The following SCAMP1 variants were observed in gnomAD, a reference collection of about 807,000 sequenced individuals.
SCAMP1 encodes secretory carrier membrane protein 1, also known as secretory carrier-associated membrane protein 1.
In SCAMP1, 15 loss-of-function variants were observed where a neutral mutation model predicts 41.8. The ratio of observed to expected loss-of-function variants is 0.36; its 90% confidence interval spans 0.24 to 0.55. The LOEUF (loss-of-function observed/expected upper bound fraction) is 0.55, where lower values mean the gene tolerates loss of function less well. Ranked by LOEUF, SCAMP1 falls within the 20% of genes least tolerant of loss-of-function variation. The pLI is 0.86. For missense variants in SCAMP1, 341 were observed against 412.6 expected (o/e 0.83, Z 1.50); for synonymous variants, 135 against 136.8 (o/e 0.99, Z 0.09).
At chr5:78,377,408 G>T (rs12654349) in intron 1 of SCAMP1, among the ~76,000 whole-genome samples, 43,239 of 151,950 alleles carry the variant, frequency 0.28, 6,485 homozygotes, top group East Asian at 0.54. Flanking sequence ...CTCATATTCA[G>T]TCTCCTCAAA....
chr5:78,384,550 C>T (rs746254662), intron 1 of SCAMP1, among the ~76,000 whole-genome samples: 1 of 152,084 alleles, frequency 6.6e-6, no homozygotes, highest in Non-Finnish European at 1.5e-5. Context: ...AAGGGCAATG[C>T]TTTCAAGTTT....
chr5:78,423,232 G>A (rs1262095383), intron 6 of SCAMP1, among the ~76,000 whole-genome samples: 1 of 152,122 alleles, frequency 6.6e-6, no homozygotes, highest in Non-Finnish European at 1.5e-5. Flanking sequence ...AATGATGGGA[G>A]AAGGGAAAGG....
chr5:78,384,949 G>A (rs771009118), intron 1 of SCAMP1, among the ~76,000 whole-genome samples: 7 of 152,046 alleles, frequency 4.6e-5, no homozygotes, highest in East Asian at 1.9e-4. Flanking sequence ...TTGGTATTAG[G>A]GTGATACTGG....
At chr5:78,402,904 C>G (rs1447653324) in intron 2 of SCAMP1, among the ~76,000 whole-genome samples, 1 of 152,116 alleles carries the variant, frequency 6.6e-6, no homozygotes. Context: ...GACTGTTTCA[C>G]TCTGTCACCC....
At chr5:78,382,077 G>A (rs1751217322) in intron 1 of SCAMP1, among the ~76,000 whole-genome samples, 1 of 152,182 alleles carries the variant, frequency 6.6e-6, no homozygotes, top group Non-Finnish European at 1.5e-5. Context: ...CAGACCAGCA[G>A]AAGCAGTATC....
chr5:78,424,111 C>T lies in SCAMP1; in HGVS notation c.632+2151C>T, dbSNP rs545956803. On this transcript the variant is annotated intron_variant, in intron 6 of 8. Transcript: ENST00000621999. ...CGCCCACCTTGGCCTCTGCCCACCT[C>T]GGCCTCTGCCCACCTCGGCCTCCCA... is the stretch of plus-strand genomic sequence containing the variant. 2.1e-3 allele frequency among the ~76,000 whole-genome samples: 320 copies of T among 152,140 alleles called. 4 individuals carry two copies. The highest frequency in any genetic ancestry group is 6.4e-3 in the African/African-American group (264 of 41,518).
chr5:78,402,261 GT>G (rs1264305464), intron 2 of SCAMP1, among the ~76,000 whole-genome samples: 2 of 151,086 alleles, frequency 1.3e-5, no homozygotes, highest in African/African-American at 4.9e-5. Flanking sequence ...CTTGGTGAGT[GT>G]TCCATGTGAA....
chr5:78,457,589 G>T (rs1001502672), intron 7 of SCAMP1, among the ~76,000 whole-genome samples: 1 of 152,212 alleles, frequency 6.6e-6, no homozygotes, highest in African/African-American at 2.4e-5. Flanking sequence ...TCTCTTCAAA[G>T]CTGTCAGACA....
intron 6 of SCAMP1, among the ~76,000 whole-genome samples, chr5:78,438,478 A>T (rs1297347929): frequency 6.6e-6 from 1 of 152,160 alleles, no homozygotes; most frequent in Admixed American, 6.5e-5. Flanking sequence ...TTTACCCCAT[A>T]GTCATTCAGG....
intron 2 of SCAMP1, among the ~76,000 whole-genome samples, chr5:78,391,435 A>G (rs1281605827): frequency 1.8e-4 from 26 of 144,366 alleles, no homozygotes; most frequent in African/African-American, 4.7e-4. Context: ...CCTCCCGGAC[A>G]GGGCGGCTGG....
rs1042188739 is a variant in SCAMP1, at chr5:78,477,607, T to A, written c.*1939T>A. On this transcript the variant is annotated 3_prime_UTR_variant, in exon 9 of 9. Transcript: ENST00000621999. ...TATATTAGAGACTTTTGAAAAATGC[T>A]GAAATACTTTGCTTCAGAATTGGAA... 31 of 152,306 alleles carry A rather than the reference T, an allele frequency of 2.0e-4. No individual in the cohort carries two copies. Among genetic ancestry groups the A allele is most frequent in the African/African-American group, 7.5e-4 (31 of 41,586 alleles). The allele number at this position is 152,306 out of a possible 1,614,324, so 9.4% of individuals were successfully genotyped here. A position where few individuals can be genotyped will look rare whatever the true frequency, so the allele number is the denominator to read the frequency against.
chr5:78,416,972 T>TA (rs1752225837), intron 4 of SCAMP1, among the ~76,000 whole-genome samples: 1 of 152,244 alleles, frequency 6.6e-6, no homozygotes. Flanking sequence ...GTGGACTCTT[T>TA]ATGAGTACAT....
chr5:78,404,131 A>T (rs1489478702), intron 2 of SCAMP1, among the ~76,000 whole-genome samples: 1 of 150,564 alleles, frequency 6.6e-6, no homozygotes, highest in African/African-American at 2.4e-5. Context: ...AAAAAAAAAA[A>T]AAGGGTTTTA....
At chr5:78,382,721 A>C (rs1166003453) in intron 1 of SCAMP1, among the ~76,000 whole-genome samples, 4 of 151,660 alleles carry the variant, frequency 2.6e-5, no homozygotes, top group Non-Finnish European at 4.4e-5. Context: ...AATTCCATCC[A>C]GGTTGCTGCA....
intron 6 of SCAMP1, among the ~76,000 whole-genome samples, chr5:78,448,140 C>T (rs1272211474): frequency 2.0e-5 from 2 of 99,348 alleles, no homozygotes; most frequent in African/African-American, 8.3e-5. Context: ...TCTTCTTCCT[C>T]CTCTTCTTCT....
intron 6 of SCAMP1, among the ~76,000 whole-genome samples, chr5:78,437,540 G>T (rs1254121491): frequency 6.6e-6 from 1 of 152,208 alleles, no homozygotes; most frequent in Non-Finnish European, 1.5e-5. Context: ...TGTTGAACCA[G>T]CCTTGCATCC....
At chr5:78,443,206 C>G (rs1223253832) in intron 6 of SCAMP1, among the ~76,000 whole-genome samples, 1 of 97,616 alleles carries the variant, frequency 1.0e-5, no homozygotes, top group Non-Finnish European at 1.9e-5. Context: ...GAGCTAGACT[C>G]TGTCTCAAAA....
intron 6 of SCAMP1, among the ~76,000 whole-genome samples, chr5:78,429,661 C>CA (rs1286541545): frequency 6.6e-6 from 1 of 152,020 alleles, no homozygotes; most frequent in Admixed American, 6.6e-5. Flanking sequence ...GCCACAGACT[C>CA]ATGCTGTTCT....
intron 8 of SCAMP1, among the ~76,000 whole-genome samples, chr5:78,468,404 T>C (rs1394411670): frequency 1.3e-5 from 2 of 152,098 alleles, no homozygotes; most frequent in Non-Finnish European, 2.9e-5. Flanking sequence ...AAGCAGGGAG[T>C]TGTTATAAAT....
Sources: gnomAD v4.1 joint callset for allele counts (sites outside exome capture counted in the v4.1 genomes callset) on GRCh38, gnomAD v4.1.1 for gene constraint, MANE v1.5 for transcripts, NCBI Gene and HGNC (gene_info 2026-07-23, HGNC 2026-07-21) for gene names.